Variants in WDR72 observed in about 807,000 individuals in gnomAD.
WDR72 encodes WD repeat domain 72.
Under a neutral mutation model 124.2 loss-of-function variants are expected in WDR72, and 120 were observed. The observed-to-expected ratio is 0.97, with a 90% CI of 0.83 to 1.12. WDR72 has a LOEUF of 1.12. WDR72 is among the 50% of genes most tolerant of loss of function. The pLI, the probability that WDR72 is intolerant of heterozygous loss-of-function variation, is 0.00. For synonymous variants in WDR72, 452 were observed against 441.7 expected (o/e 1.02, Z -0.29); for missense variants, 1,387 against 1,278.8 (o/e 1.08, Z -1.29).
intron 13 of WDR72, among the ~76,000 whole-genome samples, chr15:53,685,173 C>T (rs554919221): frequency 2.0e-5 from 3 of 148,180 alleles, no homozygotes; most frequent in East Asian, 2.0e-4. Context: ...TCCAAAGGAA[C>T]GCAGTTCCTC....
intron 18 of WDR72, among the ~76,000 whole-genome samples, chr15:53,543,788 G>C (rs1008384751): frequency 2.0e-5 from 3 of 151,988 alleles, no homozygotes; most frequent in Admixed American, 1.3e-4. Context: ...TCTAATAGAC[G>C]CAATAAAAAA....
chr15:53,745,034 TAA>T (rs35297294), intron 1 of WDR72, among the ~76,000 whole-genome samples: 10 of 144,620 alleles, frequency 6.9e-5, no homozygotes, highest in Admixed American at 1.4e-4. Flanking sequence ...TACTTTATTG[TAA>T]AAAAAAAAAA....
intron 1 of WDR72, among the ~76,000 whole-genome samples, chr15:53,758,494 A>T (rs1392579567): frequency 5.3e-5 from 8 of 151,978 alleles, no homozygotes; most frequent in African/African-American, 1.9e-4. Flanking sequence ...GGCACATTTT[A>T]ATATTGAAGG....
chr15:53,648,234 T>C (rs1015543783), intron 14 of WDR72, among the ~76,000 whole-genome samples: 1 of 152,174 alleles, frequency 6.6e-6, no homozygotes, highest in Non-Finnish European at 1.5e-5. Context: ...ACTTGTCTCA[T>C]GTGTTCTTTA....
chr15:53,761,880 T>C (rs1356346935), upstream of WDR72, among the ~76,000 whole-genome samples: 1 of 151,908 alleles, frequency 6.6e-6, no homozygotes, highest in Non-Finnish European at 1.5e-5. Flanking sequence ...AGCCTCTGAA[T>C]AGGGAAAAGC....
chr15:53,529,164 A>ATATATATATATTTTTT (rs59003623), intron 18 of WDR72, among the ~76,000 whole-genome samples: 2 of 78,164 alleles, frequency 2.6e-5, no homozygotes, highest in African/African-American at 5.0e-5. Flanking sequence ...ATATATATAT[A>ATATATATATATTTTTT]TTTTTTTTTT....
intron 17 of WDR72, among the ~76,000 whole-genome samples, chr15:53,603,798 G>T (rs567060252): frequency 3.9e-5 from 6 of 152,172 alleles, no homozygotes; most frequent in African/African-American, 1.4e-4. Context: ...TCTCTACAAG[G>T]AGAACAACAA....
rs772361460 is a variant in WDR72, at chr15:53,615,553, G to T, written c.2653C>A (p.Pro885Thr). 1.7e-5 allele frequency: 27 copies of T among 1,612,816 alleles called. No homozygotes were observed. The South Asian group carries it at 2.9e-4, about 17-fold the overall frequency. The stretch of plus-strand genomic sequence containing the variant: ...TCACAATTATTTTCCAATCCTCTTG[G>T]AATTCCAACCTGATTTGGAAGAGTG... ...TATLPNQVGI[P>T]RGLENNCDSL... The change falls in exon 15 of 20, where the codon CCA becomes ACA. Residue 885 changes from proline to threonine, a missense_variant. Coordinates refer to ENST00000360509, the MANE Select transcript of WDR72 (RefSeq NM_182758.4).
intron 7 of WDR72, 64 bp from the exon 8 acceptor site, chr15:53,711,545 T>C: frequency 2.6e-6 from 4 of 1,513,696 alleles, no homozygotes; most frequent in Admixed American, 3.3e-5. Flanking sequence ...AAGATGAATA[T>C]AAATTATGAT....
intron 18 of WDR72, among the ~76,000 whole-genome samples, chr15:53,548,399 T>C (rs8040437): frequency 0.86 from 131,412 of 152,210 alleles, 56,820 homozygotes; most frequent in Middle Eastern, 0.92. Flanking sequence ...GTTTCTGCCA[T>C]GCACTGGGAT....
intron 13 of WDR72, among the ~76,000 whole-genome samples, chr15:53,686,002 G>A (rs2016607364): frequency 6.7e-6 from 1 of 148,646 alleles, no homozygotes; most frequent in African/African-American, 2.5e-5. Context: ...TTACAGACAA[G>A]CAAATGCTGA....
chr15:53,718,389 A>T (rs1219668540), intron 3 of WDR72, among the ~76,000 whole-genome samples: 1 of 152,226 alleles, frequency 6.6e-6, no homozygotes, highest in African/African-American at 2.4e-5. Flanking sequence ...CCTGGACACC[A>T]GTAAAAGTTC....
intron 13 of WDR72, among the ~76,000 whole-genome samples, chr15:53,685,515 A>G (rs2016587563): frequency 7.1e-6 from 1 of 141,694 alleles, no homozygotes; most frequent in Non-Finnish European, 1.5e-5. Flanking sequence ...TAGAGAAAAA[A>G]GAATAAAAAG....
chr15:53,604,298 A>G (rs1252091400), intron 17 of WDR72, among the ~76,000 whole-genome samples: 1 of 152,154 alleles, frequency 6.6e-6, no homozygotes, highest in Non-Finnish European at 1.5e-5. Context: ...TTAAAACTGG[A>G]CCCCTTCCTT....
At chr15:53,713,384 C>G (rs548163647) in intron 6 of WDR72, among the ~76,000 whole-genome samples, 1 of 61,726 alleles carries the variant, frequency 1.6e-5, no homozygotes, top group Admixed American at 1.8e-4. Flanking sequence ...AAAAAACCTA[C>G]AGTATTTTAT....
intron 12 of WDR72, among the ~76,000 whole-genome samples, chr15:53,700,897 A>G (rs1487477589): frequency 6.6e-6 from 1 of 152,176 alleles, no homozygotes; most frequent in Non-Finnish European, 1.5e-5. Context: ...CTTCTAGAAC[A>G]GGCAGCCCAA....
At chr15:53,534,193 C>T (rs7179777) in intron 18 of WDR72, among the ~76,000 whole-genome samples, 38,690 of 152,010 alleles carry the variant, frequency 0.25, 5,649 homozygotes, top group East Asian at 0.59. Context: ...GCTCCACTAA[C>T]ATGATGAGTC....
At chr15:53,723,223 T>C (rs1460220681) in intron 2 of WDR72, among the ~76,000 whole-genome samples, 2 of 151,786 alleles carry the variant, frequency 1.3e-5, no homozygotes, top group Non-Finnish European at 2.9e-5. Flanking sequence ...GAACAAAATG[T>C]CCCCTCAATA....
intron 18 of WDR72, among the ~76,000 whole-genome samples, chr15:53,562,974 G>T (rs1894177564): frequency 6.6e-6 from 1 of 151,850 alleles, no homozygotes; most frequent in Admixed American, 6.6e-5. Context: ...GAAATGTTTT[G>T]CTTGAGGTTA....
Sources: gnomAD v4.1 joint callset for allele counts (sites outside exome capture counted in the v4.1 genomes callset) on GRCh38, gnomAD v4.1.1 for gene constraint, MANE v1.5 for transcripts, NCBI Gene and HGNC (gene_info 2026-07-23, HGNC 2026-07-21) for gene names.